Variants in FTCDNL1 observed in about 807,000 individuals in gnomAD.
FTCDNL1 encodes the protein formiminotransferase cyclodeaminase N-terminal like.
Under a neutral mutation model 5.9 loss-of-function variants are expected in FTCDNL1, and 11 were observed. That is an observed-to-expected ratio of 1.87 (90% CI 1.18 to 3.10). FTCDNL1 has a LOEUF of 3.10. FTCDNL1 is among the 30% of genes most tolerant of loss of function. The pLI is 0.00. For synonymous variants in FTCDNL1, 58 were observed against 24.8 expected (o/e 2.34, Z -3.99); for missense variants, 115 against 65.5 (o/e 1.76, Z -2.61).
the FTCDNL1 span, among the ~76,000 whole-genome samples, chr2:199,753,792 T>C: frequency 6.6e-6 from 1 of 152,086 alleles, no homozygotes; most frequent in Non-Finnish European, 1.5e-5. Context: ...CATTTGAGGG[T>C]GAATATTCAG....
the FTCDNL1 span, among the ~76,000 whole-genome samples, chr2:199,709,416 C>G: frequency 6.6e-6 from 1 of 152,096 alleles, no homozygotes; most frequent in Non-Finnish European, 1.5e-5. Flanking sequence ...TTGTTTAAAT[C>G]TATTTCCATC....
chr2:199,793,425 C>A, intron 3 of FTCDNL1, among the ~76,000 whole-genome samples: 1 of 151,998 alleles, frequency 6.6e-6, no homozygotes, highest in Non-Finnish European at 1.5e-5. Context: ...GACTACCCAT[C>A]ATCAATAAAG....
At chr2:199,780,192 C>T (rs1207417949) in intron 3 of FTCDNL1, among the ~76,000 whole-genome samples, 1 of 152,168 alleles carries the variant, frequency 6.6e-6, no homozygotes. Flanking sequence ...TCTACAGGGA[C>T]CTCTGGAGCC....
intron 3 of FTCDNL1, among the ~76,000 whole-genome samples, chr2:199,779,763 C>G (rs1699268954): frequency 6.6e-6 from 1 of 152,190 alleles, no homozygotes; most frequent in African/African-American, 2.4e-5. Flanking sequence ...AGGGTGACAT[C>G]AGCCTCCAGC....
chr2:199,762,103 G>A (rs184292066), intron 3 of FTCDNL1, among the ~76,000 whole-genome samples: 1 of 152,190 alleles, frequency 6.6e-6, no homozygotes, highest in African/African-American at 2.4e-5. Context: ...ATTTATGGCC[G>A]GGTGTGGTGG....
chr2:199,782,684 C>T (rs1165293932), intron 3 of FTCDNL1, among the ~76,000 whole-genome samples: 8 of 152,220 alleles, frequency 5.3e-5, no homozygotes, highest in African/African-American at 1.9e-4. Flanking sequence ...TCCACGTATC[C>T]TCCTAAGAGG....
chr2:199,677,524 G>C, the FTCDNL1 span, among the ~76,000 whole-genome samples: 1 of 152,158 alleles, frequency 6.6e-6, no homozygotes, highest in Non-Finnish European at 1.5e-5. Flanking sequence ...TTTAGAGGAA[G>C]TTGAAAATAT....
At chr2:199,751,997 G>C in the FTCDNL1 span, among the ~76,000 whole-genome samples, 2 of 152,068 alleles carry the variant, frequency 1.3e-5, no homozygotes, top group African/African-American at 4.8e-5. Flanking sequence ...GCCACGGGTG[G>C]ATCACTAAAT....
At chr2:199,737,721 A>T in the FTCDNL1 span, among the ~76,000 whole-genome samples, 51 of 152,240 alleles carry the variant, frequency 3.3e-4, no homozygotes, top group African/African-American at 1.1e-3. Context: ...AAGGCCCCAC[A>T]CTTGGTTTAA....
At chr2:199,709,538 T>C in the FTCDNL1 span, among the ~76,000 whole-genome samples, 1 of 152,068 alleles carries the variant, frequency 6.6e-6, no homozygotes, top group Non-Finnish European at 1.5e-5. Context: ...AGACTGAGAA[T>C]TGCGTATGGA....
chr2:199,712,220 A>G, the FTCDNL1 span, among the ~76,000 whole-genome samples: 1 of 152,188 alleles, frequency 6.6e-6, no homozygotes, highest in African/African-American at 2.4e-5. Flanking sequence ...AAATTGATTA[A>G]TTTTCAAATT....
At chr2:199,706,537 T>C in the FTCDNL1 span, among the ~76,000 whole-genome samples, 1 of 152,160 alleles carries the variant, frequency 6.6e-6, no homozygotes, top group African/African-American at 2.4e-5. Context: ...TAATGTATAA[T>C]ACAAAAACCT....
chr2:199,827,586 C>G (rs191619717), intron 3 of FTCDNL1, among the ~76,000 whole-genome samples: 64 of 151,792 alleles, frequency 4.2e-4, no homozygotes, highest in Admixed American at 9.2e-4. Flanking sequence ...ATACCATGAT[C>G]TTTGGAATTT....
intron 3 of FTCDNL1, among the ~76,000 whole-genome samples, chr2:199,837,952 T>C (rs535855935): frequency 6.6e-6 from 1 of 152,362 alleles, no homozygotes; most frequent in Non-Finnish European, 1.5e-5. Flanking sequence ...CTGAATATTA[T>C]GAGCCTACAG....
the FTCDNL1 span, among the ~76,000 whole-genome samples, chr2:199,727,082 C>A: frequency 5.9e-5 from 9 of 152,240 alleles, no homozygotes; most frequent in African/African-American, 2.2e-4. Context: ...AATCAGAGTT[C>A]TGTCTGTAAA....
chr2:199,842,201 G>A (rs963255327), intron 3 of FTCDNL1, among the ~76,000 whole-genome samples: 1 of 152,096 alleles, frequency 6.6e-6, no homozygotes, highest in East Asian at 1.9e-4. Flanking sequence ...CTGGGAGGCG[G>A]AGGTTGTAGT....
intron 3 of FTCDNL1, among the ~76,000 whole-genome samples, chr2:199,837,562 T>C (rs965044598): frequency 1.3e-5 from 2 of 152,182 alleles, no homozygotes; most frequent in African/African-American, 2.4e-5. Flanking sequence ...TCAGCCCATG[T>C]TTTGACAATC....
the FTCDNL1 span, among the ~76,000 whole-genome samples, chr2:199,684,115 A>C: frequency 1.3e-5 from 2 of 152,250 alleles, no homozygotes; most frequent in Admixed American, 6.5e-5. Flanking sequence ...CTACATTTAC[A>C]CTTTCAGTAA....
At chr2:199,781,250 C>T (rs1478113651) in intron 3 of FTCDNL1, among the ~76,000 whole-genome samples, 1 of 152,206 alleles carries the variant, frequency 6.6e-6, no homozygotes, top group East Asian at 1.9e-4. Context: ...TTATTCTTCT[C>T]TAAGGCAAAA....
Sources: gnomAD v4.1 joint callset for allele counts (sites outside exome capture counted in the v4.1 genomes callset) on GRCh38, gnomAD v4.1.1 for gene constraint, MANE v1.5 for transcripts, NCBI Gene and HGNC (gene_info 2026-07-23, HGNC 2026-07-21) for gene names.